Variants in RAP1A observed in about 807,000 individuals in gnomAD.
RAP1A encodes RAP1A, member of RAS oncogene family.
A neutral mutation model predicts 26.4 loss-of-function variants in RAP1A; 6 were observed. That is an observed-to-expected ratio of 0.23 (90% CI 0.12 to 0.45). The LOEUF is 0.45. RAP1A is among the 20% of genes least tolerant of loss of function. The probability of loss-of-function intolerance (pLI) is 0.99; values close to 1 mark genes in which losing one functional copy is unlikely to be tolerated. For synonymous variants in RAP1A, 73 were observed against 79.4 expected, an observed-to-expected ratio of 0.92 and a Z score of 0.43; for missense variants, 121 against 217.2, an observed-to-expected ratio of 0.56 and a Z score of 2.78.
At chr1:111,626,802 A>G (rs1659415143) in intron 1 of RAP1A, among the ~76,000 whole-genome samples, 1 of 152,328 alleles carries the variant, frequency 6.6e-6, no homozygotes, top group South Asian at 2.1e-4. Context: ...AGACATATAT[A>G]ATAAAATAGT....
At chr1:111,652,150 T>C (rs1010031777) in intron 1 of RAP1A, among the ~76,000 whole-genome samples, 2 of 152,064 alleles carry the variant, frequency 1.3e-5, no homozygotes, top group Non-Finnish European at 2.9e-5. Context: ...ATGTTTGTAT[T>C]TTTAGTAGAG....
intron 1 of RAP1A, among the ~76,000 whole-genome samples, chr1:111,677,382 G>A (rs1207141756): frequency 1.3e-5 from 2 of 152,124 alleles, no homozygotes; most frequent in African/African-American, 4.8e-5. Flanking sequence ...TGAATTACTT[G>A]TGTTAATGAT....
At chr1:111,647,250 A>G (rs1660099713) in intron 1 of RAP1A, among the ~76,000 whole-genome samples, 1 of 152,176 alleles carries the variant, frequency 6.6e-6, no homozygotes, top group Non-Finnish European at 1.5e-5. Flanking sequence ...ATGAGAATCT[A>G]ATGCCTGATG....
At chr1:111,699,590 G>C (rs533089171) in intron 4 of RAP1A, among the ~76,000 whole-genome samples, 4 of 150,486 alleles carry the variant, frequency 2.7e-5, no homozygotes, top group African/African-American at 9.8e-5. Flanking sequence ...ACCTCCTGAG[G>C]AGCTGGTGCT....
intron 1 of RAP1A, among the ~76,000 whole-genome samples, chr1:111,629,912 G>T (rs1263891830): frequency 6.6e-6 from 1 of 152,188 alleles, no homozygotes; most frequent in African/African-American, 2.4e-5. Flanking sequence ...TTGTCCAGCA[G>T]AATCTGAACT....
intron 2 of RAP1A, 132 bp from the exon 3 acceptor site, chr1:111,695,209 A>ATAT (rs142972345): frequency 1.8e-5 from 10 of 557,524 alleles, no homozygotes; most frequent in Admixed American, 3.9e-5. Flanking sequence ...AGAATTAATA[A>ATAT]TATACTTTAC....
chr1:111,631,877 CTGAG>C (rs1356117714), intron 1 of RAP1A, among the ~76,000 whole-genome samples: 4 of 150,938 alleles, frequency 2.7e-5, no homozygotes, highest in Admixed American at 6.6e-5. Flanking sequence ...GCTTTGTTAA[CTGAG>C]TAATTTGTAG....
chr1:111,646,238 T>C (rs1398578985), intron 1 of RAP1A, among the ~76,000 whole-genome samples: 1 of 152,114 alleles, frequency 6.6e-6, no homozygotes, highest in Non-Finnish European at 1.5e-5. Context: ...CACTTTTTTT[T>C]CTCTCCCACA....
intron 1 of RAP1A, among the ~76,000 whole-genome samples, chr1:111,543,005 A>G (rs1342808304): frequency 6.6e-6 from 1 of 152,084 alleles, no homozygotes; most frequent in Non-Finnish European, 1.5e-5. Context: ...CCGGCCATGT[A>G]TTTGTTTTAT....
chr1:111,593,652 C>CTTTTTTTTTTTTT lies in RAP1A; in HGVS notation c.-28+51158_-28+51170dup, dbSNP rs994763442. Among the ~76,000 whole-genome samples the CTTTTTTTTTTTTT allele has an allele frequency of 2.3e-4, 15 of 65,400 alleles. 2 individuals are homozygous for CTTTTTTTTTTTTT. Among genetic ancestry groups the CTTTTTTTTTTTTT allele is most frequent in the Non-Finnish European group, 3.0e-4 (11 of 36,520 alleles). 42.9% of individuals were successfully genotyped at this position (65,400 alleles called of 152,430 possible). On this transcript the variant is annotated intron_variant, in intron 1 of 7. Coordinates refer to the RAP1A transcript ENST00000356415. ...CTGGCAGCTTAAGTTATGACTCCTA[C>CTTTTTTTTTTTTT]TTTTTTTTTTTTTTTTTTTTTTTTT...
At chr1:111,554,994 A>AT (rs1657422597) in intron 1 of RAP1A, among the ~76,000 whole-genome samples, 1 of 152,120 alleles carries the variant, frequency 6.6e-6, no homozygotes, top group Admixed American at 6.6e-5. Context: ...GCTACAGAAT[A>AT]TTTTTTAAGT....
intron 1 of RAP1A, among the ~76,000 whole-genome samples, chr1:111,578,379 T>C (rs1409014296): frequency 2.6e-5 from 4 of 152,132 alleles, no homozygotes; most frequent in Non-Finnish European, 4.4e-5. Context: ...TTGTAAGCCA[T>C]ACTTAGAAGT....
chr1:111,609,629 A>G (rs779039541), intron 1 of RAP1A, among the ~76,000 whole-genome samples: 2 of 152,050 alleles, frequency 1.3e-5, no homozygotes, highest in Non-Finnish European at 2.9e-5. Flanking sequence ...ATATGTAAAT[A>G]TTGATTGACT....
intron 1 of RAP1A, among the ~76,000 whole-genome samples, chr1:111,571,383 C>A (rs1215254825): frequency 2.0e-5 from 3 of 152,284 alleles, no homozygotes. Flanking sequence ...CCCACCCTTT[C>A]TGAAGTTCAG....
Position 111,546,442 on chromosome 1 carries a change from T to G in RAP1A, c.-28+3933T>G, listed in dbSNP as rs201398621. Among the ~76,000 whole-genome samples, 14 of 152,246 alleles carry G rather than the reference T, an allele frequency of 9.2e-5. No homozygotes were observed. The East Asian group carries it at 2.5e-3, about 27-fold the overall frequency. On this transcript the variant is annotated intron_variant, in intron 1 of 7. Transcript: ENST00000356415. ...CCCCATTCCTTCCTCTCCCAGCCTT[T>G]GGGAAGCATCGTTCTTCTCCTTTCT...
chr1:111,625,855 T>C (rs919974297), intron 1 of RAP1A, among the ~76,000 whole-genome samples: 3 of 152,150 alleles, frequency 2.0e-5, no homozygotes, highest in African/African-American at 7.2e-5. Context: ...TCACCCACGC[T>C]GTTCTCCACC....
intron 1 of RAP1A, among the ~76,000 whole-genome samples, chr1:111,570,713 G>A (rs1276934989): frequency 6.6e-6 from 1 of 152,184 alleles, no homozygotes; most frequent in Non-Finnish European, 1.5e-5. Context: ...GGTCAAAGGG[G>A]AAGCAAACAT....
At chr1:111,646,762 A>G (rs1660084288) in intron 1 of RAP1A, among the ~76,000 whole-genome samples, 1 of 152,154 alleles carries the variant, frequency 6.6e-6, no homozygotes, top group Non-Finnish European at 1.5e-5. Flanking sequence ...GATTGTCTCG[A>G]TCTCCTGACC....
intron 1 of RAP1A, among the ~76,000 whole-genome samples, chr1:111,625,694 C>T (rs146164144): frequency 5.8e-4 from 89 of 152,274 alleles, no homozygotes; most frequent in African/African-American, 2.1e-3. Flanking sequence ...TCTATTGATA[C>T]CTTTGGAACT....
Sources: allele counts gnomAD v4.1 joint callset (sites outside exome capture counted in the v4.1 genomes callset), GRCh38; gene constraint gnomAD v4.1.1; transcripts MANE v1.5; gene names NCBI Gene and HGNC (gene_info 2026-07-23, HGNC 2026-07-21).